RTN1: variants seen among roughly 807,000 people sequenced by gnomAD.
RTN1 encodes reticulon-1.
RTN1 carries 25 observed loss-of-function variants against 65.5 expected under a neutral mutation model. That is an observed-to-expected ratio of 0.38 (90% CI 0.28 to 0.53). RTN1 has a LOEUF of 0.53. RTN1 is among the 20% of genes least tolerant of loss of function. RTN1 has a pLI of 0.79. For synonymous variants in RTN1, 471 were observed against 447.6 expected (o/e 1.05, Z -0.66); for missense variants, 983 against 1,025.4 (o/e 0.96, Z 0.57).
chr14:59,791,579 C>G (rs1886349181), intron 1 of RTN1, among the ~76,000 whole-genome samples: 1 of 152,170 alleles, frequency 6.6e-6, no homozygotes, highest in Non-Finnish European at 1.5e-5. Flanking sequence ...CTTCCTCTAG[C>G]CAGCAGTGGA....
chr14:59,680,174 A>G (rs1952044), intron 3 of RTN1, among the ~76,000 whole-genome samples: 56,352 of 152,060 alleles, frequency 0.37, 12,051 homozygotes, highest in East Asian at 0.48. Context: ...GCCTTCTAAG[A>G]GCTTTGCTCT....
rs1430383585 is a variant in RTN1, at chr14:59,766,662, A to T, written c.242-20181T>A. ...AACAGTTTCAATATTATTTCTTAGC[A>T]TATTTTTATATGCTGTATATGGATC... On this transcript the variant is annotated intron_variant, in intron 1 of 8. Coordinates refer to ENST00000267484, the MANE Select transcript of RTN1 (RefSeq NM_021136.3). The surrounding 1 kb of genome is among the most constrained non-coding windows in gnomAD (Gnocchi z 4.4). Among the ~76,000 whole-genome samples the T allele has an allele frequency of 6.6e-6, 1 of 152,170 alleles. No individual in the cohort carries two copies. Among genetic ancestry groups the T allele is most frequent in the Non-Finnish European group, 1.5e-5 (1 of 68,046 alleles).
intron 1 of RTN1, among the ~76,000 whole-genome samples, chr14:59,843,805 G>A (rs951740978): frequency 2.6e-5 from 4 of 152,174 alleles, no homozygotes; most frequent in African/African-American, 9.7e-5. Flanking sequence ...TACAGCCATT[G>A]GAGTTTTGTC....
At chr14:59,750,805 A>G (rs141773631) in intron 1 of RTN1, among the ~76,000 whole-genome samples, 3 of 132,326 alleles carry the variant, frequency 2.3e-5, no homozygotes, top group African/African-American at 8.8e-5. Flanking sequence ...GCCTCAACCT[A>G]TAGGCTCAAA....
At chr14:59,741,576 A>C (rs906867216) in intron 2 of RTN1, among the ~76,000 whole-genome samples, 8 of 152,226 alleles carry the variant, frequency 5.3e-5, no homozygotes, top group African/African-American at 1.9e-4. Context: ...ATATTTGTTA[A>C]ATAAATAGAT....
chr14:59,650,169 A>G (rs1362598408), intron 3 of RTN1, among the ~76,000 whole-genome samples: 1 of 152,224 alleles, frequency 6.6e-6, no homozygotes. Context: ...CAAACACTGC[A>G]TGTTCTCACT....
chr14:59,789,063 A>G (rs980511480), intron 1 of RTN1, among the ~76,000 whole-genome samples: 6 of 152,010 alleles, frequency 3.9e-5, no homozygotes, highest in African/African-American at 1.4e-4. Context: ...CATATTTTTA[A>G]GCATTTGATT....
chr14:59,702,460 C>T (rs1884199498), intron 3 of RTN1, among the ~76,000 whole-genome samples: 1 of 152,214 alleles, frequency 6.6e-6, no homozygotes, highest in Non-Finnish European at 1.5e-5. Context: ...GTCTTTACTA[C>T]TGCACCCATT....
chr14:59,610,941 C>T (rs1188695063), intron 3 of RTN1, among the ~76,000 whole-genome samples: 1 of 152,144 alleles, frequency 6.6e-6, no homozygotes, highest in Non-Finnish European at 1.5e-5. Flanking sequence ...TGACTGAGCA[C>T]AAGAAGACTG....
At chr14:59,844,802 T>A (rs1280188528) in intron 1 of RTN1, among the ~76,000 whole-genome samples, 1 of 152,186 alleles carries the variant, frequency 6.6e-6, no homozygotes. Context: ...TATAAATAAA[T>A]CTTCCATTGT....
Position 59,803,071 on chromosome 14 carries a change from CT to C in RTN1, c.242-56591del, listed in dbSNP as rs1886575363. On this transcript the variant is annotated intron_variant, in intron 1 of 8. Transcript: ENST00000267484. The surrounding 1 kb of genome is among the most constrained non-coding windows in gnomAD (Gnocchi z 5.6). ...TTAAAAAAGTCATTTGCCATTTGCACTGGGATAAGCACACAGGCCATGCAGA... is the reference window on the plus strand; with the variant it reads ...TTAAAAAAGTCATTTGCCATTTGCACGGGATAAGCACACAGGCCATGCAGA... Among the ~76,000 whole-genome samples, 1 of 152,018 alleles carries C rather than the reference CT, an allele frequency of 6.6e-6. No individual in the cohort carries two copies. Among genetic ancestry groups the C allele is most frequent in the Non-Finnish European group, 1.5e-5 (1 of 67,988 alleles).
chr14:59,717,172 AGT>A (rs931045069), intron 3 of RTN1, among the ~76,000 whole-genome samples: 1 of 152,114 alleles, frequency 6.6e-6, no homozygotes, highest in African/African-American at 2.4e-5. Context: ...GGTAAACAAG[AGT>A]GAATTTGGAA....
chr14:59,718,473 A>T (rs1278791724), intron 3 of RTN1, among the ~76,000 whole-genome samples: 1 of 152,186 alleles, frequency 6.6e-6, no homozygotes, highest in African/African-American at 2.4e-5. Flanking sequence ...GCCCTAGGCA[A>T]GCATGTATCT....
At chr14:59,605,836 C>T (rs922375898) in intron 4 of RTN1, 2 of 206,754 alleles carry the variant, frequency 9.7e-6, no homozygotes, top group African/African-American at 4.6e-5. Context: ...GCTGAATTCT[C>T]CACACATGAC....
At chr14:59,602,772 A>G (rs1317784212) in intron 8 of RTN1, among the ~76,000 whole-genome samples, 2 of 152,120 alleles carry the variant, frequency 1.3e-5, no homozygotes, top group African/African-American at 4.8e-5. Context: ...CTTTCCTCCA[A>G]TGCATCTTGT....
chr14:59,786,286 T>G lies in RTN1; in HGVS notation c.242-39805A>C, dbSNP rs543014380. 2.0e-5 allele frequency among the ~76,000 whole-genome samples: 3 copies of G among 152,288 alleles called. No homozygotes were observed. In the South Asian group the frequency reaches 6.2e-4, roughly 32 times the overall value. On this transcript the variant is annotated intron_variant, in intron 1 of 8. Transcript: ENST00000267484. ...TGAATTCATGTGCCACTATTTACTA[T>G]TACGTGAGTTTGGGGGCAACTTTTA...
intron 1 of RTN1, among the ~76,000 whole-genome samples, chr14:59,802,068 G>C (rs1886556805): frequency 6.6e-6 from 1 of 152,204 alleles, no homozygotes; most frequent in South Asian, 2.1e-4. Context: ...TGAACATTGT[G>C]TACACCTGAA....
chr14:59,711,149 A>C (rs1280376802), intron 3 of RTN1, among the ~76,000 whole-genome samples: 1 of 152,262 alleles, frequency 6.6e-6, no homozygotes, highest in Non-Finnish European at 1.5e-5. Context: ...AATGAGAAGA[A>C]GCATTCATTG....
rs550459237 is a variant in RTN1, at chr14:59,685,350, T to A, written c.1765+41569A>T. 2.6e-5 allele frequency among the ~76,000 whole-genome samples: 4 copies of A among 152,164 alleles called. No individual in the cohort carries two copies. The South Asian group carries it at 6.2e-4, about 24-fold the overall frequency. On this transcript the variant is annotated intron_variant, in intron 3 of 8. Coordinates refer to ENST00000267484, the MANE Select transcript of RTN1 (RefSeq NM_021136.3). Reference sequence around the variant, plus strand: ...GGAAAAGAGGAAGAAATAAAAGGCATCCAAATCTGAAAGGAAGAAGCTAAA... The same window carrying A: ...GGAAAAGAGGAAGAAATAAAAGGCAACCAAATCTGAAAGGAAGAAGCTAAA...
Sources: allele counts gnomAD v4.1 joint callset (sites outside exome capture counted in the v4.1 genomes callset), GRCh38; gene constraint gnomAD v4.1.1; non-coding constraint Gnocchi (gnomAD v3.1); transcripts MANE v1.5; gene names NCBI Gene and HGNC (gene_info 2026-07-23, HGNC 2026-07-21).